HMGB1: variants seen among roughly 807,000 people sequenced by gnomAD.
HMGB1 encodes high mobility group protein B1.
For synonymous variants in HMGB1, 81 were observed against 84.0 expected (o/e 0.96, Z 0.19); for missense variants, 79 against 253.5 (o/e 0.31, Z 4.67).
chr13:30,586,479 G>GTTTTTTTTTTTTTTTTTTTTT (rs11315470), intron 1 of HMGB1, among the ~76,000 whole-genome samples: 1 of 105,068 alleles, frequency 9.5e-6, no homozygotes, highest in Non-Finnish European at 2.0e-5. Flanking sequence ...GGTTTTTTTT[G>GTTTTTTTTTTTTTTTTTTTTT]TTTTTTTTTT....
At chr13:30,506,827 T>C (rs1442443175) in intron 1 of HMGB1, among the ~76,000 whole-genome samples, 1 of 152,138 alleles carries the variant, frequency 6.6e-6, no homozygotes, top group Admixed American at 6.6e-5. Flanking sequence ...TGCACAGCTG[T>C]GTGGGTATCA....
intron 1 of HMGB1, among the ~76,000 whole-genome samples, chr13:30,485,092 T>G (rs1234024897): frequency 6.7e-6 from 1 of 149,412 alleles, no homozygotes; most frequent in Admixed American, 6.8e-5. Context: ...AGTGCCATAG[T>G]GCAATCTCGG....
Position 30,463,573 on chromosome 13 carries a change from G to C in HMGB1, c.108C>G (p.Val36=). 5.0e-6 allele frequency: 8 copies of C among 1,611,446 alleles called. No homozygotes were observed. The highest frequency in any genetic ancestry group is 1.3e-5 in the African/African-American group (1 of 74,952). Residue 36 remains valine (V), a synonymous_variant, in exon 2 of 5, where the codon GTC becomes GTG. Coordinates refer to ENST00000341423, the MANE Select transcript of HMGB1 (RefSeq NM_002128.7). ...EHKKKHPDAS[V]NFSEFSKKCS... is the part of the protein sequence containing the mutation. ...ACTTCTTAGAAAACTCTGAGAAGTT[G>C]ACTGAAGCATCTGGGTGCTTCTTCT...
chr13:30,505,674 G>A (rs114554676), intron 1 of HMGB1, among the ~76,000 whole-genome samples: 2,855 of 151,866 alleles, frequency 0.019, 78 homozygotes, highest in African/African-American at 0.066. Flanking sequence ...CCCTGTACCC[G>A]TTATTCAACC....
chr13:30,566,711 A>G (rs1413310674), intron 1 of HMGB1, among the ~76,000 whole-genome samples: 1 of 152,266 alleles, frequency 6.6e-6, no homozygotes, highest in Non-Finnish European at 1.5e-5. Flanking sequence ...CATGACAATA[A>G]GAAGTTATTC....
chr13:30,538,068 G>A (rs1173896780), intron 1 of HMGB1, among the ~76,000 whole-genome samples: 1 of 152,176 alleles, frequency 6.6e-6, no homozygotes, highest in African/African-American at 2.4e-5. Context: ...AGGTGAATGT[G>A]GAAGATCATA....
chr13:30,464,289 C>T, intron 1 of HMGB1: 1 of 985,576 alleles, frequency 1.0e-6, no homozygotes, highest in Non-Finnish European at 1.2e-6. Context: ...AGCCTCGTTT[C>T]CTATCGGTTT....
intron 1 of HMGB1, among the ~76,000 whole-genome samples, chr13:30,516,425 T>G (rs1408263202): frequency 1.3e-5 from 2 of 152,208 alleles, no homozygotes; most frequent in Admixed American, 1.3e-4. Flanking sequence ...AAAATACCCA[T>G]ACAGCAAAGT....
chr13:30,511,051 A>G (rs544349441), intron 1 of HMGB1, among the ~76,000 whole-genome samples: 1 of 152,172 alleles, frequency 6.6e-6, no homozygotes, highest in Non-Finnish European at 1.5e-5. Context: ...TACTCATCAC[A>G]CTGAGGTAAT....
chr13:30,472,186 C>T (rs922937459), intron 1 of HMGB1, among the ~76,000 whole-genome samples: 9 of 151,848 alleles, frequency 5.9e-5, no homozygotes, highest in South Asian at 2.1e-4. Flanking sequence ...GGCTGAAGCA[C>T]GAGAATCACT....
At chr13:30,473,196 GCCCGAGT>G (rs938750962) in intron 1 of HMGB1, among the ~76,000 whole-genome samples, 7 of 152,156 alleles carry the variant, frequency 4.6e-5, no homozygotes, top group Non-Finnish European at 8.8e-5. Context: ...TCCTGCCTCA[GCCCGAGT>G]TTTCCGGGGG....
chr13:30,489,583 T>C (rs900667917), intron 1 of HMGB1, among the ~76,000 whole-genome samples: 1 of 152,156 alleles, frequency 6.6e-6, no homozygotes, highest in African/African-American at 2.4e-5. Flanking sequence ...TAGCTCTCAC[T>C]AGGAGGAGGA....
intron 1 of HMGB1, among the ~76,000 whole-genome samples, chr13:30,509,268 T>G (rs996222708): frequency 2.7e-5 from 4 of 148,424 alleles, no homozygotes; most frequent in African/African-American, 7.9e-5. Flanking sequence ...AGATGGAATC[T>G]CACTCTGTCA....
intron 1 of HMGB1, chr13:30,540,063 T>C (rs1173543747): frequency 6.5e-6 from 1 of 154,126 alleles, no homozygotes; most frequent in East Asian, 1.9e-4. Flanking sequence ...TTCTCTGATC[T>C]GTTTCACCCA....
chr13:30,526,816 G>A (rs1036963555), intron 1 of HMGB1, among the ~76,000 whole-genome samples: 3 of 152,250 alleles, frequency 2.0e-5, no homozygotes, highest in Non-Finnish European at 4.4e-5. Flanking sequence ...TCCTGTGAGA[G>A]AGTCTGTGTG....
At chr13:30,613,807 T>C (rs934368652) in intron 1 of HMGB1, among the ~76,000 whole-genome samples, 5 of 152,136 alleles carry the variant, frequency 3.3e-5, no homozygotes, top group Non-Finnish European at 2.9e-5. Flanking sequence ...AGCCGTACCA[T>C]TGGCTAGGGC....
intron 1 of HMGB1, among the ~76,000 whole-genome samples, chr13:30,516,850 G>A (rs113473537): frequency 0.011 from 1,680 of 152,232 alleles, 25 homozygotes; most frequent in African/African-American, 0.038. Flanking sequence ...CTGGGAGATC[G>A]AGGCTGCAAT....
intron 1 of HMGB1, chr13:30,554,722 A>G: frequency 1.3e-6 from 1 of 769,718 alleles, no homozygotes; most frequent in Admixed American, 1.7e-5. Flanking sequence ...CATATTCTAG[A>G]GGACAGAAAG....
At chr13:30,581,001 A>G (rs978624696) in intron 1 of HMGB1, among the ~76,000 whole-genome samples, 3 of 152,108 alleles carry the variant, frequency 2.0e-5, no homozygotes, top group African/African-American at 7.2e-5. Context: ...AGTGCATCAT[A>G]GCTCACTATA....
Sources: allele counts gnomAD v4.1 joint callset (sites outside exome capture counted in the v4.1 genomes callset), GRCh38; gene constraint gnomAD v4.1.1; transcripts MANE v1.5; gene names NCBI Gene and HGNC (gene_info 2026-07-23, HGNC 2026-07-21).